The following TDRD1 variants were observed in gnomAD, a reference collection of about 807,000 sequenced individuals.
TDRD1 encodes the protein tudor domain containing 1, also known as tudor domain-containing protein 1.
A neutral mutation model predicts 140.6 loss-of-function variants in TDRD1; 37 were observed. That is an observed-to-expected ratio of 0.26 (90% confidence interval 0.20 to 0.35). TDRD1 has a LOEUF of 0.35. Among genes scored for constraint, TDRD1 ranks in the 10% least tolerant of loss-of-function variants. The pLI is 1.00. For missense variants in TDRD1, 1,243 were observed against 1,393.0 expected, an observed-to-expected ratio of 0.89 and a Z score of 1.71; for synonymous variants, 506 against 475.7, an observed-to-expected ratio of 1.06 and a Z score of -0.83.
At chr10:114,199,451 A>C (rs780539160) in intron 4 of TDRD1, 134 bp downstream of exon 4, 47 of 1,093,934 alleles carry the variant, frequency 4.3e-5, no homozygotes, top group Non-Finnish European at 5.7e-5. Context: ...CAGCCTCAGC[A>C]GCTGTCAGCA....
upstream of TDRD1, among the ~76,000 whole-genome samples, chr10:114,176,690 C>T (rs150100343): frequency 3.2e-4 from 49 of 152,286 alleles, no homozygotes; most frequent in African/African-American, 1.1e-3. The surrounding 1 kb of genome is among the most constrained non-coding windows in gnomAD (Gnocchi z 4.2). Flanking sequence ...AGGGTGATGG[C>T]TTGAGTCCAG....
intron 11 of TDRD1, among the ~76,000 whole-genome samples, chr10:114,209,788 C>T (rs1004003192): frequency 2.6e-5 from 4 of 152,162 alleles, no homozygotes; most frequent in Non-Finnish European, 4.4e-5. Context: ...AGTCTATAAT[C>T]TAGATAATTA....
At chr10:114,231,503 G>C (rs747317759) in exon 26 of TDRD1, 1 of 1,601,024 alleles carries the variant, frequency 6.2e-7, no homozygotes, top group Admixed American at 1.8e-5. Flanking sequence ...ATCTCTTGGA[G>C]GTAAACCCTT....
chr10:114,187,777 T>A, intron 1 of TDRD1, 49 bp from the exon 2 acceptor site: 1 of 1,461,324 alleles, frequency 6.8e-7, no homozygotes, highest in Non-Finnish European at 9.2e-7. Context: ...GCAGTTCTTC[T>A]GAAATTTTGA....
Position 114,202,441 on chromosome 10 carries a change from T to TA in TDRD1, c.696+144dup, listed in dbSNP as rs1260536582. 4 of 538,718 alleles carry TA rather than the reference T, an allele frequency of 7.4e-6. No homozygotes were observed. The East Asian group carries it at 1.3e-4, about 17-fold the overall frequency. The allele number at this position is 538,718 out of a possible 1,614,324, so 33.4% of individuals were successfully genotyped here. ...TATATAAATATGTACACCATAGTGA[T>TA]ACAATCAGGGGTTTTTGAGAATTAC... On this transcript the variant is annotated intron_variant, in intron 6 of 25. Coordinates refer to ENST00000251864, the Ensembl canonical transcript of TDRD1.
chr10:114,226,399 G>A (rs1237570358), intron 22 of TDRD1, among the ~76,000 whole-genome samples, 183 bp downstream of exon 22: 2 of 152,098 alleles, frequency 1.3e-5, no homozygotes, highest in Admixed American at 6.5e-5. Context: ...CACAAAAACT[G>A]TGTTCAGTCA....
chr10:114,190,435 T>C (rs1377884795), intron 2 of TDRD1, among the ~76,000 whole-genome samples: 3 of 152,176 alleles, frequency 2.0e-5, no homozygotes, highest in African/African-American at 4.8e-5. Flanking sequence ...TGGAGAAAAG[T>C]TCACAATGAG....
At chr10:114,232,055 T>A (rs576544226) in exon 26 of TDRD1, 1 of 152,462 alleles carries the variant, frequency 6.6e-6, no homozygotes, top group Admixed American at 6.5e-5. Flanking sequence ...TCCTTTGCTT[T>A]CATGTTTGTT....
At chr10:114,202,949 G>T (rs1171177277) in intron 6 of TDRD1, 123 bp from the exon 7 acceptor site, 1 of 695,368 alleles carries the variant, frequency 1.4e-6, no homozygotes, top group Admixed American at 2.4e-5. Flanking sequence ...CCCTATTTCT[G>T]TGTTCTTTTG....
chr10:114,202,769 G>A (rs1333061089), intron 6 of TDRD1, among the ~76,000 whole-genome samples: 1 of 152,194 alleles, frequency 6.6e-6, no homozygotes, highest in Admixed American at 6.5e-5. Context: ...CATTCTTACA[G>A]AAAACATTAA....
At position 114,221,401 on chromosome 10, in the gene TDRD1, G is replaced by A. The variant is rs778319913; in HGVS notation, c.2815G>A (p.Asp939Asn). ...ATGGAAGACGATAGAATTGCCAGTG[G>A]ATAAAACTATACAAGCAAATGTATT... The change falls in exon 20 of 26, where the codon GAT (aspartate) becomes AAT (asparagine). Residue 939 changes from aspartate to asparagine, a missense_variant. This residue lies in a region of TDRD1 where 601 missense variants were observed against 734.7 expected (regional missense o/e 0.82). Coordinates refer to ENST00000251864, the Ensembl canonical transcript of TDRD1. The A allele has an allele frequency of 6.2e-6, 10 of 1,612,878 alleles. No homozygotes were observed. The South Asian group carries it at 6.6e-5, about 11-fold the overall frequency.
chr10:114,190,120 A>G (rs1027352836), intron 2 of TDRD1, among the ~76,000 whole-genome samples: 3 of 152,200 alleles, frequency 2.0e-5, no homozygotes, highest in Non-Finnish European at 2.9e-5. Flanking sequence ...ACCAGAAGCA[A>G]CATTTCACTG....
intron 7 of TDRD1, 51 bp from the exon 8 acceptor site, chr10:114,203,337 A>G (rs774982896): frequency 3.2e-6 from 5 of 1,544,662 alleles, no homozygotes; most frequent in African/African-American, 2.8e-5. Flanking sequence ...AGAAATTTAC[A>G]TTTCCTTGTG....
At chr10:114,212,177 TC>T in intron 14 of TDRD1, 141 bp downstream of exon 14, 1 of 730,546 alleles carries the variant, frequency 1.4e-6, no homozygotes. Context: ...ATGTCATTTA[TC>T]CCAAAGAAAT....
At chr10:114,231,430 T>G in intron 25 of TDRD1, 1 of 1,401,046 alleles carries the variant, frequency 7.1e-7, no homozygotes, top group Non-Finnish European at 1.0e-6. Context: ...TTAAAAGCCA[T>G]AGCAATTGAG....
At chr10:114,188,124 G>C (rs376661712) in exon 2 of TDRD1, 2 of 1,592,562 alleles carry the variant, frequency 1.3e-6, no homozygotes, top group African/African-American at 2.7e-5. Context: ...GAAGTAGTTG[G>C]CTCCAAAGGA....
At chr10:114,186,195 A>G (rs2033506981) in intron 1 of TDRD1, among the ~76,000 whole-genome samples, 2 of 152,116 alleles carry the variant, frequency 1.3e-5, no homozygotes, top group Non-Finnish European at 2.9e-5. Context: ...TTTAATGCAC[A>G]TTCTTTGTAT....
intron 11 of TDRD1, 92 bp from the exon 12 acceptor site, chr10:114,210,489 A>T: frequency 7.8e-7 from 1 of 1,279,354 alleles, no homozygotes; most frequent in Non-Finnish European, 1.1e-6. Flanking sequence ...AGTCATAGTC[A>T]TATTCGTTTT....
intron 16 of TDRD1, 44 bp downstream of exon 16, chr10:114,214,158 G>T: frequency 6.4e-7 from 1 of 1,568,396 alleles, no homozygotes. Flanking sequence ...AAATACATTG[G>T]CATAGATAAT....
Sources: allele counts gnomAD v4.1 joint callset (sites outside exome capture counted in the v4.1 genomes callset), GRCh38; gene constraint gnomAD v4.1.1; regional missense constraint gnomAD v4.1.1; non-coding constraint Gnocchi (gnomAD v3.1); transcripts MANE v1.5; gene names NCBI Gene and HGNC (gene_info 2026-07-23, HGNC 2026-07-21).